The following SGCG variants were observed in gnomAD, a reference collection of about 807,000 sequenced individuals.
The protein encoded by SGCG is gamma-sarcoglycan.
SGCG carries 26 observed loss-of-function variants against 29.3 expected under a neutral mutation model. The ratio of observed to expected loss-of-function variants is 0.89; its 90% CI spans 0.65 to 1.23. SGCG has a LOEUF of 1.23. Among genes scored for constraint, SGCG ranks in the 50% most tolerant of loss-of-function variants. SGCG has a pLI of 0.00. For synonymous variants in SGCG, 145 were observed against 129.7 expected, an observed-to-expected ratio of 1.12 and a Z score of -0.80; for missense variants, 353 against 356.0, an observed-to-expected ratio of 0.99 and a Z score of 0.07.
the SGCG span, among the ~76,000 whole-genome samples, chr13:23,173,815 A>G: frequency 6.6e-6 from 1 of 152,242 alleles, no homozygotes; most frequent in Admixed American, 6.5e-5. Flanking sequence ...TGAATGTAAA[A>G]GGAAATAAAT....
intron 2 of SGCG, among the ~76,000 whole-genome samples, chr13:23,205,197 C>CT (rs1478139341): frequency 1.3e-5 from 2 of 152,110 alleles, no homozygotes; most frequent in Non-Finnish European, 2.9e-5. Context: ...CACAATAGTA[C>CT]TTAGTTCCAC....
chr13:23,193,108 C>G (rs1877343537), intron 1 of SGCG, among the ~76,000 whole-genome samples: 1 of 152,284 alleles, frequency 6.6e-6, no homozygotes, highest in African/African-American at 2.4e-5. Context: ...GTCAGGAGGA[C>G]AGAGTGGTGG....
chr13:23,270,035 G>A (rs898782596), intron 4 of SGCG, among the ~76,000 whole-genome samples: 4 of 151,562 alleles, frequency 2.6e-5, no homozygotes, highest in South Asian at 4.2e-4. Flanking sequence ...CCACCATGCC[G>A]GGCTAATTTT....
At chr13:23,271,533 G>GCA (rs1360672906) in intron 4 of SGCG, among the ~76,000 whole-genome samples, 1 of 152,216 alleles carries the variant, frequency 6.6e-6, no homozygotes, top group African/African-American at 2.4e-5. Context: ...GGACAAGCTT[G>GCA]CACTAGTCTG....
At chr13:23,273,571 A>G (rs1880949275) in intron 4 of SGCG, among the ~76,000 whole-genome samples, 1 of 152,196 alleles carries the variant, frequency 6.6e-6, no homozygotes, top group Admixed American at 6.5e-5. Context: ...ATTCTAAAAT[A>G]TAGTGTTTTC....
intron 1 of SGCG, among the ~76,000 whole-genome samples, chr13:23,195,906 A>G (rs1379969010): frequency 1.3e-5 from 2 of 152,060 alleles, no homozygotes; most frequent in East Asian, 1.9e-4. Flanking sequence ...TACTGTTACA[A>G]AAGAAATATA....
At chr13:23,318,169 TA>T (rs1367676631) in intron 6 of SGCG, among the ~76,000 whole-genome samples, 1 of 150,314 alleles carries the variant, frequency 6.7e-6, no homozygotes, top group African/African-American at 2.4e-5. Context: ...TAATACTTAA[TA>T]AACTCCCCTT....
intron 6 of SGCG, among the ~76,000 whole-genome samples, chr13:23,300,809 T>TAACAA (rs1211679381): frequency 1.6e-5 from 2 of 122,490 alleles, no homozygotes; most frequent in African/African-American, 6.9e-5. Flanking sequence ...ACTAGTTTAC[T>TAACAA]AAAAAAAAAA....
chr13:23,309,563 C>T (rs535107182), intron 6 of SGCG, among the ~76,000 whole-genome samples: 8 of 152,254 alleles, frequency 5.3e-5, no homozygotes, highest in Admixed American at 2.6e-4. Flanking sequence ...GAAAGAGTAA[C>T]GATGGACATC....
chr13:23,279,039 A>T (rs1347590448), intron 4 of SGCG, among the ~76,000 whole-genome samples: 1 of 152,266 alleles, frequency 6.6e-6, no homozygotes, highest in African/African-American at 2.4e-5. Context: ...CCAAAAGAAT[A>T]CAAGTTTAAC....
chr13:23,321,799 A>G (rs149291034), intron 7 of SGCG, among the ~76,000 whole-genome samples: 216 of 152,350 alleles, frequency 1.4e-3, no homozygotes, highest in Non-Finnish European at 2.6e-3. Context: ...AAAGTGAAAC[A>G]GCAGGCAGCA....
chr13:23,304,611 G>T (rs11617532), intron 6 of SGCG, among the ~76,000 whole-genome samples: 1 of 151,168 alleles, frequency 6.6e-6, no homozygotes, highest in East Asian at 1.9e-4. Context: ...TTTTGGCGGC[G>T]GGGAGGGGAG....
chr13:23,298,217 G>A (rs57745156), intron 6 of SGCG, among the ~76,000 whole-genome samples: 55,547 of 151,556 alleles, frequency 0.37, 10,804 homozygotes, highest in East Asian at 0.79. Flanking sequence ...TTAGCCAGGC[G>A]TGGTGGCACA....
At chr13:23,246,188 C>T (rs1244463460) in intron 3 of SGCG, 2 of 152,530 alleles carry the variant, frequency 1.3e-5, no homozygotes, top group African/African-American at 4.8e-5. Flanking sequence ...CAAAACATGT[C>T]CAGAGACCTG....
At chr13:23,169,842 A>G in the SGCG span, 3 of 152,298 alleles carry the variant, frequency 2.0e-5, no homozygotes, top group African/African-American at 4.8e-5. Flanking sequence ...AGTTTTGAAC[A>G]ACAAAGGCAA....
At chr13:23,224,335 G>C (rs1878804419) in intron 2 of SGCG, among the ~76,000 whole-genome samples, 1 of 152,160 alleles carries the variant, frequency 6.6e-6, no homozygotes, top group African/African-American at 2.4e-5. Context: ...CTACATTATA[G>C]TATACACATC....
chr13:23,186,716 C>T (rs769008178), intron 1 of SGCG, among the ~76,000 whole-genome samples: 69 of 152,158 alleles, frequency 4.5e-4, no homozygotes, highest in Admixed American at 1.0e-3. Flanking sequence ...CCCTGTCAGG[C>T]CAGCAGCTGC....
intron 2 of SGCG, among the ~76,000 whole-genome samples, chr13:23,206,479 A>G (rs1382525183): frequency 1.3e-5 from 2 of 152,330 alleles, no homozygotes; most frequent in South Asian, 4.1e-4. Context: ...GTTGTCTCAC[A>G]TTGCAGAATT....
chr13:23,170,210 A>G, the SGCG span, among the ~76,000 whole-genome samples: 1 of 152,202 alleles, frequency 6.6e-6, no homozygotes, highest in Non-Finnish European at 1.5e-5. Flanking sequence ...TCTTGGTATC[A>G]AACAGCTTTA....
Sources: allele counts gnomAD v4.1 joint callset (sites outside exome capture counted in the v4.1 genomes callset), GRCh38; gene constraint gnomAD v4.1.1; transcripts MANE v1.5; gene names NCBI Gene and HGNC (gene_info 2026-07-23, HGNC 2026-07-21).